Variants in PRELID2 observed in about 807,000 individuals in gnomAD.
PRELID2 encodes PRELI domain-containing protein 2.
PRELID2 carries 25 observed loss-of-function variants against 28.4 expected under a neutral mutation model. The ratio of observed to expected loss-of-function variants is 0.88; its 90% CI spans 0.64 to 1.23. PRELID2 has a LOEUF of 1.23. Ranked by LOEUF, PRELID2 falls within the 50% of genes most tolerant of loss-of-function variation. The pLI, the probability that PRELID2 is intolerant of heterozygous loss-of-function variation, is 0.00. For synonymous variants in PRELID2, 76 were observed against 71.6 expected (o/e 1.06, Z -0.31); for missense variants, 201 against 214.4 (o/e 0.94, Z 0.39).
At chr5:145,523,871 G>A (rs984735736) in intron 1 of PRELID2, among the ~76,000 whole-genome samples, 11 of 152,122 alleles carry the variant, frequency 7.2e-5, no homozygotes, top group Non-Finnish European at 1.5e-4. Flanking sequence ...TATAAATAAT[G>A]TAGCAACAAA....
At chr5:145,636,394 C>T (rs1198939217) in intron 1 of PRELID2, among the ~76,000 whole-genome samples, 1 of 152,186 alleles carries the variant, frequency 6.6e-6, no homozygotes, top group South Asian at 2.1e-4. Flanking sequence ...AAAGAGTGTG[C>T]TCAGAATTGC....
chr5:145,340,764 A>AATATATATAT, the PRELID2 span, among the ~76,000 whole-genome samples: 1 of 79,212 alleles, frequency 1.3e-5, no homozygotes, highest in South Asian at 4.1e-4. Context: ...CCTGCCTAAA[A>AATATATATAT]ATATACATAT....
At chr5:145,504,457 C>T (rs1352694144) in intron 1 of PRELID2, among the ~76,000 whole-genome samples, 1 of 152,160 alleles carries the variant, frequency 6.6e-6, no homozygotes, top group Non-Finnish European at 1.5e-5. Context: ...ATACACATAA[C>T]ATTTTCTAGA....
intron 4 of PRELID2, among the ~76,000 whole-genome samples, chr5:145,815,443 T>C (rs1754233825): frequency 6.6e-6 from 1 of 152,224 alleles, no homozygotes; most frequent in Non-Finnish European, 1.5e-5. Flanking sequence ...ATTCACCCTT[T>C]TAAGGTACAC....
chr5:145,633,354 T>A (rs2149659711), intron 1 of PRELID2, among the ~76,000 whole-genome samples: 1 of 152,332 alleles, frequency 6.6e-6, no homozygotes, highest in African/African-American at 2.4e-5. Flanking sequence ...AGCTAGAGAC[T>A]GATTTTCAAG....
At chr5:145,654,461 A>G (rs1754355689) in intron 1 of PRELID2, among the ~76,000 whole-genome samples, 1 of 152,180 alleles carries the variant, frequency 6.6e-6, no homozygotes, top group African/African-American at 2.4e-5. Flanking sequence ...AGAATTTTAG[A>G]CCAATATCCC....
intron 1 of PRELID2, among the ~76,000 whole-genome samples, chr5:145,521,451 A>G (rs968040102): frequency 6.6e-6 from 1 of 152,182 alleles, no homozygotes; most frequent in Non-Finnish European, 1.5e-5. Context: ...ATTAGCTGCA[A>G]TCAATTCCTG....
At chr5:145,267,790 G>A in the PRELID2 span, among the ~76,000 whole-genome samples, 1 of 152,102 alleles carries the variant, frequency 6.6e-6, no homozygotes, top group Non-Finnish European at 1.5e-5. Flanking sequence ...TACAAAGGTT[G>A]CTTTTTCTGC....
chr5:145,338,911 C>T, the PRELID2 span, among the ~76,000 whole-genome samples: 1 of 152,196 alleles, frequency 6.6e-6, no homozygotes, highest in Non-Finnish European at 1.5e-5. Flanking sequence ...AAATAATCAA[C>T]TAAATCAAGC....
chr5:145,662,253 G>C (rs560449909), intron 1 of PRELID2, among the ~76,000 whole-genome samples: 1 of 152,054 alleles, frequency 6.6e-6, no homozygotes, highest in Admixed American at 6.6e-5. Context: ...GAAAACCAGA[G>C]AGACATGAGA....
intron 1 of PRELID2, among the ~76,000 whole-genome samples, chr5:145,702,683 GT>G (rs1482102436): frequency 6.6e-5 from 10 of 152,172 alleles, no homozygotes; most frequent in African/African-American, 2.4e-4. Context: ...TCCAATTCAT[GT>G]TTTGTGTCAA....
At chr5:145,307,928 C>G in the PRELID2 span, among the ~76,000 whole-genome samples, 1 of 152,282 alleles carries the variant, frequency 6.6e-6, no homozygotes, top group Non-Finnish European at 1.5e-5. Context: ...GTCCCACATT[C>G]TTGGGCCTGT....
intron 1 of PRELID2, among the ~76,000 whole-genome samples, chr5:145,532,673 T>A (rs1379082519): frequency 6.6e-6 from 1 of 152,060 alleles, no homozygotes; most frequent in Non-Finnish European, 1.5e-5. Context: ...TTCTACAAGT[T>A]TGAATTTTTT....
intron 1 of PRELID2, among the ~76,000 whole-genome samples, chr5:145,536,302 G>T (rs1752698053): frequency 6.6e-6 from 1 of 151,942 alleles, no homozygotes; most frequent in South Asian, 2.1e-4. Flanking sequence ...AGAAATGAAT[G>T]CAGATAAGCC....
At chr5:145,811,865 A>C (rs1221635470) in intron 4 of PRELID2, among the ~76,000 whole-genome samples, 3 of 152,196 alleles carry the variant, frequency 2.0e-5, no homozygotes, top group Non-Finnish European at 4.4e-5. Context: ...CATTACTTCC[A>C]AAGCAAAATA....
At chr5:145,364,580 G>C in the PRELID2 span, among the ~76,000 whole-genome samples, 4 of 151,960 alleles carry the variant, frequency 2.6e-5, no homozygotes, top group African/African-American at 9.7e-5. Flanking sequence ...ATGTTTGTTA[G>C]ATATCAAATA....
the PRELID2 span, among the ~76,000 whole-genome samples, chr5:145,438,970 C>T: frequency 2.6e-5 from 4 of 152,104 alleles, no homozygotes; most frequent in African/African-American, 7.2e-5. Flanking sequence ...TCTGATGCAG[C>T]GATGCTGTCA....
intron 1 of PRELID2, among the ~76,000 whole-genome samples, chr5:145,544,722 C>T (rs1444284656): frequency 6.6e-6 from 1 of 152,066 alleles, no homozygotes; most frequent in Non-Finnish European, 1.5e-5. Flanking sequence ...TACACTAGAA[C>T]TATAATGAGC....
At chr5:145,441,763 T>G in the PRELID2 span, among the ~76,000 whole-genome samples, 2 of 152,124 alleles carry the variant, frequency 1.3e-5, no homozygotes, top group Non-Finnish European at 2.9e-5. Flanking sequence ...CTCTGCAGTT[T>G]GCTCTGTTAG....
Sources: gnomAD v4.1 joint callset for allele counts (sites outside exome capture counted in the v4.1 genomes callset) on GRCh38, gnomAD v4.1.1 for gene constraint, MANE v1.5 for transcripts, NCBI Gene and HGNC (gene_info 2026-07-23, HGNC 2026-07-21) for gene names.